The following MYO5A variants were observed in gnomAD, a reference collection of about 807,000 sequenced individuals.
MYO5A encodes unconventional myosin-Va.
Under a neutral mutation model 249.7 loss-of-function variants are expected in MYO5A, and 98 were observed. The observed-to-expected ratio is 0.39, with a 90% CI of 0.33 to 0.46. The LOEUF is 0.46. MYO5A is among the 20% of genes least tolerant of loss of function. The pLI is 0.98. For synonymous variants in MYO5A, 778 were observed against 810.6 expected (o/e 0.96, Z 0.68); for missense variants, 1,696 against 2,308.8 (o/e 0.73, Z 5.44).
intron 24 of MYO5A, among the ~76,000 whole-genome samples, chr15:52,360,607 G>A (rs879299566): frequency 1.8e-4 from 27 of 152,192 alleles, no homozygotes; most frequent in African/African-American, 2.9e-4. Context: ...AATCTTTGGA[G>A]TGAGCAGTGG....
intron 1 of MYO5A, chr15:52,435,741 A>T (rs906022790): frequency 4.6e-6 from 2 of 433,444 alleles, no homozygotes; most frequent in Non-Finnish European, 9.1e-6. Flanking sequence ...AGTCTTGACA[A>T]GTAAGATTAT....
chr15:52,365,767 G>C (rs1164121994), intron 23 of MYO5A, among the ~76,000 whole-genome samples: 2 of 152,184 alleles, frequency 1.3e-5, no homozygotes. Context: ...ATTCTCACCA[G>C]TTTGCAGAAG....
intron 25 of MYO5A, among the ~76,000 whole-genome samples, chr15:52,358,215 A>G (rs2040342747): frequency 6.6e-6 from 1 of 152,182 alleles, no homozygotes; most frequent in African/African-American, 2.4e-5. Flanking sequence ...GGTTTCCGGC[A>G]AGCACACCCT....
intron 4 of MYO5A, among the ~76,000 whole-genome samples, chr15:52,424,077 G>A (rs903152911): frequency 3.3e-5 from 5 of 152,094 alleles, no homozygotes; most frequent in African/African-American, 1.2e-4. Flanking sequence ...AAGTGGTGTC[G>A]AAACTGTACT....
At chr15:52,499,911 A>G (rs1205725100) in intron 1 of MYO5A, among the ~76,000 whole-genome samples, 1 of 152,130 alleles carries the variant, frequency 6.6e-6, no homozygotes. Context: ...GGCCGGGCAC[A>G]GTAGGTCACA....
At chr15:52,342,681 C>A (rs900034908) in intron 31 of MYO5A, among the ~76,000 whole-genome samples, 2 of 151,948 alleles carry the variant, frequency 1.3e-5, no homozygotes, top group Admixed American at 6.6e-5. Flanking sequence ...TTGAGAGGCT[C>A]AGGTGGGCGC....
At position 52,438,824 on chromosome 15, in the gene MYO5A, G is replaced by A. The variant is rs957862473; in HGVS notation, c.28-5539C>T. ...TTGCAACTGCACTTTCTTTTGGTCT[G>A]TGTTTGTTACGGCTCGAGCTGAGCT... On this transcript the variant is annotated intron_variant, in intron 1 of 41. Transcript: ENST00000399233. 2.0e-5 allele frequency among the ~76,000 whole-genome samples: 3 copies of A among 152,224 alleles called. No homozygotes were observed. The South Asian group carries it at 6.2e-4, about 31-fold the overall frequency.
At chr15:52,529,002 A>G (rs2077777577), upstream of MYO5A, 2 of 286,452 alleles carry the variant, frequency 7.0e-6, no homozygotes, top group African/African-American at 2.3e-5. Context: ...CCTCGCCATC[A>G]CTCCCGGGCT....
At chr15:52,359,695 A>T (rs954392459) in intron 25 of MYO5A, among the ~76,000 whole-genome samples, 3 of 152,236 alleles carry the variant, frequency 2.0e-5, no homozygotes, top group Non-Finnish European at 4.4e-5. Context: ...GGGTAAAGAG[A>T]ATTATAAAAA....
intron 9 of MYO5A, among the ~76,000 whole-genome samples, chr15:52,404,678 T>C (rs891040147): frequency 2.0e-5 from 3 of 152,142 alleles, no homozygotes; most frequent in African/African-American, 7.2e-5. Flanking sequence ...GAGATCTGCC[T>C]GTGAGACGTG....
chr15:52,357,452 C>CAAAAAAAAAAA (rs35645503), intron 25 of MYO5A, among the ~76,000 whole-genome samples: 8 of 93,728 alleles, frequency 8.5e-5, no homozygotes, highest in Non-Finnish European at 1.0e-4. Flanking sequence ...CTAGAACTAG[C>CAAAAAAAAAAA]AAAAAAAAAA....
At chr15:52,338,492 G>A (rs2039228673) in intron 32 of MYO5A, among the ~76,000 whole-genome samples, 1 of 152,028 alleles carries the variant, frequency 6.6e-6, no homozygotes, top group African/African-American at 2.4e-5. Flanking sequence ...GTCTCCTGCT[G>A]GGCTTTAATA....
In MYO5A at chr15:52,425,669, A is replaced by G. The variant is rs1342656287; in HGVS notation, c.455+161T>C. On this transcript the variant is annotated intron_variant, in intron 4 of 41. Transcript: ENST00000399233. ...GCCACTGCACCTGGCCCACTTTATT[A>G]TTTAATAATAATCCAAGTCACCTGA... Among the ~76,000 whole-genome samples the G allele has an allele frequency of 2.6e-5, 4 of 152,182 alleles. No individual in the cohort carries two copies. The East Asian group carries it at 7.7e-4, about 29-fold the overall frequency.
intron 1 of MYO5A, among the ~76,000 whole-genome samples, chr15:52,444,882 G>C (rs549820737): frequency 3.8e-4 from 58 of 152,224 alleles, no homozygotes; most frequent in African/African-American, 1.4e-3. Flanking sequence ...TAAGATTTAA[G>C]GAATCATGGC....
intron 14 of MYO5A, among the ~76,000 whole-genome samples, chr15:52,386,260 A>G (rs1043829094): frequency 3.3e-5 from 5 of 152,048 alleles, no homozygotes; most frequent in Non-Finnish European, 5.9e-5. Flanking sequence ...AGTGAGCCCT[A>G]TGATCATCAC....
chr15:52,448,204 C>T (rs1453540340), intron 1 of MYO5A, among the ~76,000 whole-genome samples: 1 of 152,250 alleles, frequency 6.6e-6, no homozygotes, highest in East Asian at 1.9e-4. Context: ...TGGGCCCACT[C>T]CTTGCATCAG....
intron 1 of MYO5A, among the ~76,000 whole-genome samples, chr15:52,466,208 G>A (rs938152677): frequency 2.0e-4 from 30 of 152,102 alleles, no homozygotes; most frequent in African/African-American, 6.8e-4. Flanking sequence ...CACCTCACAC[G>A]CCTGGGAGCT....
chr15:52,524,773 T>C (rs1432562272), intron 1 of MYO5A, among the ~76,000 whole-genome samples: 1 of 151,442 alleles, frequency 6.6e-6, no homozygotes, highest in Non-Finnish European at 1.5e-5. Context: ...GAGGCTGAGG[T>C]GGGAGGACAG....
Position 52,308,118 on chromosome 15 carries a change from A to AT in MYO5A, c.*5577dup, listed in dbSNP as rs2037673605. ...ATACCAGTTTCAACTAAAAAACAAC[A>AT]TTTTTTCTTTCAAATATTTCAAGCA... is the stretch of plus-strand genomic sequence containing the variant. On this transcript the variant is annotated 3_prime_UTR_variant, in exon 42 of 42. Coordinates refer to ENST00000399233, the MANE Select transcript of MYO5A (RefSeq NM_001382347.1). The AT allele has an allele frequency of 1.3e-5, 2 of 152,252 alleles. No homozygotes were observed. Among genetic ancestry groups the AT allele is most frequent in the South Asian group, 4.1e-4 (2 of 4,826 alleles). 9.4% of individuals were successfully genotyped at this position (152,252 alleles called of 1,614,324 possible). A position where few individuals can be genotyped will look rare whatever the true frequency, so the allele number is the denominator to read the frequency against.
Sources: allele counts gnomAD v4.1 joint callset (sites outside exome capture counted in the v4.1 genomes callset), GRCh38; gene constraint gnomAD v4.1.1; transcripts MANE v1.5; gene names NCBI Gene and HGNC (gene_info 2026-07-23, HGNC 2026-07-21).